ANO2: variants seen among roughly 807,000 people sequenced by gnomAD.
The protein encoded by ANO2 is anoctamin-2.
A neutral mutation model predicts 124.2 loss-of-function variants in ANO2; 101 were observed. The observed-to-expected ratio is 0.81, with a 90% CI of 0.69 to 0.96. The LOEUF is 0.96. Ranked by LOEUF, ANO2 falls within the 40% of genes least tolerant of loss-of-function variation. ANO2 has a pLI of 0.00. For missense variants in ANO2, 1,293 were observed against 1,274.5 expected, an observed-to-expected ratio of 1.01 and a Z score of -0.22; for synonymous variants, 486 against 482.5, an observed-to-expected ratio of 1.01 and a Z score of -0.09.
Position 5,563,366 on chromosome 12 carries a change from G to C in ANO2, c.2930C>G (p.Ser977Ter). The change falls in exon 25 of 25, where the codon TCA becomes TGA. Residue 977 changes from serine (S) to a stop codon, truncating the protein, a stop_gained. Transcript: ENST00000682330. LOFTEE classifies it high-confidence loss of function. Reference protein sequence around the residue: ...GDRSRSRAASSAPSGQSQLGS... With the variant: ...GDRSRSRAAS ...CAGCTGGCTTTGGCCTGAAGGTGCT[G>C]AGCTGGCTGCCCGGCTCCTGCTTCG... The C allele has an allele frequency of 6.2e-7, 1 of 1,605,244 alleles. No homozygotes were observed. The highest frequency in any genetic ancestry group is 8.5e-7 in the Non-Finnish European group (1 of 1,176,762).
At chr12:5,686,769 G>A (rs117443665) in intron 14 of ANO2, among the ~76,000 whole-genome samples, 1,901 of 152,340 alleles carry the variant, frequency 0.012, 16 homozygotes, top group Non-Finnish European at 0.019. Flanking sequence ...GGTGGGAGCC[G>A]TGCTGTCCTG....
chr12:5,740,679 G>A (rs1211318460), intron 12 of ANO2, among the ~76,000 whole-genome samples: 1 of 152,148 alleles, frequency 6.6e-6, no homozygotes, highest in Non-Finnish European at 1.5e-5. Flanking sequence ...GATTTTTGAA[G>A]GACAATGGCA....
At chr12:5,592,661 A>G (rs1036342127) in intron 20 of ANO2, among the ~76,000 whole-genome samples, 10 of 152,176 alleles carry the variant, frequency 6.6e-5, no homozygotes, top group Non-Finnish European at 8.8e-5. Flanking sequence ...CAAGAAGGAA[A>G]GGTAGAAGGA....
intron 3 of ANO2, among the ~76,000 whole-genome samples, chr12:5,857,203 C>T (rs955794807): frequency 5.3e-5 from 8 of 152,240 alleles, no homozygotes; most frequent in Admixed American, 2.0e-4. Context: ...GCCACTCCGA[C>T]ATCCATTCTG....
chr12:5,721,912 C>T (rs533818930), intron 14 of ANO2, among the ~76,000 whole-genome samples: 2 of 152,348 alleles, frequency 1.3e-5, no homozygotes, highest in East Asian at 3.9e-4. Context: ...AAATACTTAA[C>T]AGTTCCATGT....
intron 7 of ANO2, among the ~76,000 whole-genome samples, chr12:5,818,239 TAATCAGCTGCC>T (rs1438923648): frequency 1.3e-5 from 2 of 151,884 alleles, no homozygotes; most frequent in East Asian, 3.9e-4. Context: ...GGGCACCATC[TAATCAGCTGCC>T]AGTGCAGCTA....
At chr12:5,815,170 C>T (rs755229211) in intron 7 of ANO2, among the ~76,000 whole-genome samples, 16 of 152,144 alleles carry the variant, frequency 1.1e-4, no homozygotes, top group South Asian at 2.1e-4. Flanking sequence ...CTTTCTAATG[C>T]GATGTCCCTT....
intron 14 of ANO2, among the ~76,000 whole-genome samples, chr12:5,705,008 G>T (rs899110582): frequency 6.6e-6 from 1 of 152,118 alleles, no homozygotes; most frequent in Non-Finnish European, 1.5e-5. Context: ...TTCACTAACA[G>T]ATTGTACATT....
At chr12:5,816,695 G>C (rs144273039) in intron 7 of ANO2, among the ~76,000 whole-genome samples, 1 of 152,106 alleles carries the variant, frequency 6.6e-6, no homozygotes, top group African/African-American at 2.4e-5. Flanking sequence ...CCTGACATAC[G>C]TAAGTTTCCT....
chr12:5,920,087 G>T (rs1192050166), intron 3 of ANO2, among the ~76,000 whole-genome samples: 1 of 152,018 alleles, frequency 6.6e-6, no homozygotes, highest in Non-Finnish European at 1.5e-5. Flanking sequence ...ATGGATGCAT[G>T]CATGCATGCA....
intron 20 of ANO2, chr12:5,584,054 T>C (rs1330039422): frequency 1.5e-5 from 4 of 261,828 alleles, no homozygotes; most frequent in South Asian, 1.1e-4. Context: ...ATAAAGACTA[T>C]TTCCCGATTG....
rs1346115682 is a variant in ANO2, at chr12:5,578,157, G to A, written c.2387-150C>T. On this transcript the variant is annotated intron_variant, in intron 21 of 24. Transcript: ENST00000682330. ...GGGCTTGTCTGGAAAGGCTTAGGTA[G>A]CCCCCCCATCTGGAAGCTCAGATCA... The A allele has an allele frequency of 1.5e-5, 18 of 1,235,238 alleles. No individual in the cohort carries two copies. The East Asian group carries it at 3.4e-4, about 23-fold the overall frequency. The allele number at this position is 1,235,238 out of a possible 1,614,324, so 76.5% of individuals were successfully genotyped here.
intron 20 of ANO2, among the ~76,000 whole-genome samples, chr12:5,587,887 C>T (rs1943198448): frequency 1.3e-5 from 2 of 152,172 alleles, no homozygotes; most frequent in African/African-American, 2.4e-5. Flanking sequence ...GCCTGCTGGG[C>T]CCCAGCCCAG....
chr12:5,672,273 G>A (rs1386082257), intron 14 of ANO2, among the ~76,000 whole-genome samples: 1 of 152,082 alleles, frequency 6.6e-6, no homozygotes, highest in Non-Finnish European at 1.5e-5. Flanking sequence ...TCAACTTTAA[G>A]GCCCTGGAAA....
At chr12:5,748,417 T>C (rs1009896441) in intron 11 of ANO2, among the ~76,000 whole-genome samples, 4 of 152,168 alleles carry the variant, frequency 2.6e-5, no homozygotes, top group African/African-American at 9.7e-5. Context: ...CACGTGAAGC[T>C]ACTGAGTTGT....
At chr12:5,696,566 C>T (rs1184415489) in intron 14 of ANO2, among the ~76,000 whole-genome samples, 1 of 152,114 alleles carries the variant, frequency 6.6e-6, no homozygotes, top group Non-Finnish European at 1.5e-5. Flanking sequence ...CATAACCCTG[C>T]CTTTCTATAA....
chr12:5,719,768 T>G (rs1480166576), intron 14 of ANO2, among the ~76,000 whole-genome samples: 2 of 152,182 alleles, frequency 1.3e-5, no homozygotes, highest in African/African-American at 4.8e-5. Flanking sequence ...TCACCCCTCA[T>G]GCAATACCAC....
intron 14 of ANO2, among the ~76,000 whole-genome samples, chr12:5,726,122 TCAAACTGATTTAGGA>T (rs1950428917): frequency 6.6e-6 from 1 of 151,498 alleles, no homozygotes; most frequent in Non-Finnish European, 1.5e-5. Flanking sequence ...TAGAAAAGAT[TCAAACTGATTTAGGA>T]AAAAAAAAAA....
intron 14 of ANO2, among the ~76,000 whole-genome samples, chr12:5,695,357 T>C (rs1295400375): frequency 6.7e-6 from 1 of 150,358 alleles, no homozygotes; most frequent in Non-Finnish European, 1.5e-5. Flanking sequence ...AGCATTCTTT[T>C]CAAGTACACA....
Sources: gnomAD v4.1 joint callset for allele counts (sites outside exome capture counted in the v4.1 genomes callset) on GRCh38, gnomAD v4.1.1 for gene constraint, MANE v1.5 for transcripts, NCBI Gene and HGNC (gene_info 2026-07-23, HGNC 2026-07-21) for gene names.